Variants in KIRREL3 observed in about 807,000 individuals in gnomAD.
KIRREL3 encodes the protein kin of IRRE-like protein 3.
A neutral mutation model predicts 89.7 loss-of-function variants in KIRREL3; 36 were observed. The ratio of observed to expected loss-of-function variants is 0.40; its 90% CI spans 0.31 to 0.53. KIRREL3 has a LOEUF of 0.53. Among genes scored for constraint, KIRREL3 ranks in the 20% least tolerant of loss-of-function variants. The pLI, the probability that KIRREL3 is intolerant of heterozygous loss-of-function variation, is 0.49. For missense variants in KIRREL3, 864 were observed against 1,056.6 expected (o/e 0.82, Z 2.53); for synonymous variants, 445 against 441.4 (o/e 1.01, Z -0.10).
At chr11:126,916,349 G>A (rs905309610) in intron 1 of KIRREL3, among the ~76,000 whole-genome samples, 3 of 152,134 alleles carry the variant, frequency 2.0e-5, no homozygotes, top group Non-Finnish European at 4.4e-5. Context: ...AAATTGCTGA[G>A]CCCCATCCTC....
Position 126,668,075 on chromosome 11 carries a change from TAGTC to T in KIRREL3, c.56-105167_56-105164del, listed in dbSNP as rs1384218847. 1.3e-5 allele frequency among the ~76,000 whole-genome samples: 2 copies of T among 152,212 alleles called. No homozygotes were observed. The highest frequency in any genetic ancestry group is 2.4e-5 in the African/African-American group (1 of 41,450). ...GGTTGATAGCTGAGCCCCTGTGTCT[TAGTC>T]AGTTTCGGCTATAACAAAACACCAT... is the stretch of plus-strand genomic sequence containing the variant. On this transcript the variant is annotated intron_variant, in intron 1 of 16. Coordinates refer to ENST00000525144, the MANE Select transcript of KIRREL3 (RefSeq NM_032531.4). This position sits in a 1 kb window ranked among gnomAD's most constrained non-coding sequence, Gnocchi z 4.4.
chr11:126,695,745 T>C (rs1947068159), intron 1 of KIRREL3, among the ~76,000 whole-genome samples: 2 of 152,190 alleles, frequency 1.3e-5, no homozygotes, highest in African/African-American at 4.8e-5. Context: ...GACAGAGCTC[T>C]GAGAGAGGGG....
chr11:126,523,000 C>T lies in KIRREL3; in HGVS notation c.284-1536G>A, dbSNP rs1285765101. ...GTGAGAGAGACAGAACAAAGACAGG[C>T]AGGGAGACCTGCAAGAGCTCGCCTC... On this transcript the variant is annotated intron_variant, in intron 3 of 16. Transcript: ENST00000525144. The surrounding 1 kb of genome is among the most constrained non-coding windows in gnomAD (Gnocchi z 6.0). Among the ~76,000 whole-genome samples, 1 of 152,198 alleles carries T rather than the reference C, an allele frequency of 6.6e-6. No homozygotes were observed. The highest frequency in any genetic ancestry group is 6.5e-5 in the Admixed American group (1 of 15,276).
rs553422455 is a variant in KIRREL3 at position 126,630,160 on chromosome 11, G to A, written c.56-67248C>T. ...ACATAGACGGACTGGGTTTGGAAAA[G>A]TGCTTGTGAATTTGTTTCCCAGGAA... On this transcript the variant is annotated intron_variant, in intron 1 of 16. Coordinates refer to ENST00000525144, the MANE Select transcript of KIRREL3 (RefSeq NM_032531.4). Among the ~76,000 whole-genome samples the A allele has an allele frequency of 1.2e-3, 189 of 152,328 alleles. 5 individuals are homozygous for A. The South Asian group carries it at 0.036, about 29-fold the overall frequency.
At chr11:126,934,673 T>A (rs946990090) in intron 1 of KIRREL3, among the ~76,000 whole-genome samples, 1 of 152,138 alleles carries the variant, frequency 6.6e-6, no homozygotes, top group Non-Finnish European at 1.5e-5. Flanking sequence ...AGAAAACATT[T>A]GCAAAAGTCA....
intron 1 of KIRREL3, among the ~76,000 whole-genome samples, chr11:126,625,135 A>G (rs184204019): frequency 2.6e-5 from 4 of 152,230 alleles, no homozygotes; most frequent in Admixed American, 2.6e-4. Context: ...AACAGCGTCT[A>G]CCCTGTGCCC....
intron 16 of KIRREL3, 143 bp from the exon 17 acceptor site, chr11:126,425,166 T>A: frequency 1.4e-6 from 1 of 714,940 alleles, no homozygotes; most frequent in Non-Finnish European, 2.3e-6. Flanking sequence ...GGGAGCAAAC[T>A]CAGGGGTGAA....
chr11:126,689,629 C>T lies in KIRREL3; in HGVS notation c.56-126717G>A, dbSNP rs1946805092. The stretch of plus-strand genomic sequence containing the variant: ...CCAGCCAGGAGATGGGAAGAGACAT[C>T]TTGTTAGCCAGTTGCTCTGGTAGCC... On this transcript the variant is annotated intron_variant, in intron 1 of 16. Transcript: ENST00000525144. The surrounding 1 kb of genome is among the most constrained non-coding windows in gnomAD (Gnocchi z 5.2). 6.6e-6 allele frequency among the ~76,000 whole-genome samples: 1 copy of T among 152,188 alleles called. No individual in the cohort carries two copies. Among genetic ancestry groups the T allele is most frequent in the Admixed American group, 6.5e-5 (1 of 15,282 alleles).
intron 1 of KIRREL3, among the ~76,000 whole-genome samples, chr11:126,923,190 T>TTCTTCTTCTTTTCTTCTTCTTC (rs1947469588): frequency 9.7e-5 from 1 of 10,356 alleles, no homozygotes; most frequent in Non-Finnish European, 1.5e-4. Context: ...TCTTCTTCTC[T>TTCTTCTTCTTTTCTTCTTCTTC]TCTTCTTCTT....
At chr11:126,767,834 G>A (rs1949877014) in intron 1 of KIRREL3, among the ~76,000 whole-genome samples, 2 of 152,224 alleles carry the variant, frequency 1.3e-5, no homozygotes, top group African/African-American at 4.8e-5. Context: ...ATTTGTTAAT[G>A]CTATGTGGCT....
chr11:126,950,401 A>C (rs1191022667), intron 1 of KIRREL3, among the ~76,000 whole-genome samples: 3 of 152,090 alleles, frequency 2.0e-5, no homozygotes, highest in Admixed American at 1.3e-4. Flanking sequence ...AAACAAACAA[A>C]ACCAAAAAAC....
At chr11:126,850,453 A>G (rs1944303823) in intron 1 of KIRREL3, among the ~76,000 whole-genome samples, 1 of 152,178 alleles carries the variant, frequency 6.6e-6, no homozygotes, top group South Asian at 2.1e-4. Context: ...GAGTTGGGGT[A>G]GAGGCAAAGC....
Position 126,867,215 on chromosome 11 carries a change from G to A in KIRREL3, c.55+133240C>T, listed in dbSNP as rs561894090. On this transcript the variant is annotated intron_variant, in intron 1 of 16. Transcript: ENST00000525144. This position sits in a 1 kb window ranked among gnomAD's most constrained non-coding sequence, Gnocchi z 4.7. ...GTTTGAGCAGCGGGGCATCTATGCA[G>A]CGAGCCACACTCCTATCACACAGCC... Among the ~76,000 whole-genome samples, 2 of 152,352 alleles carry A rather than the reference G, an allele frequency of 1.3e-5. No individual in the cohort carries two copies. The highest frequency in any genetic ancestry group is 3.9e-4 in the East Asian group (2 of 5,186).
At chr11:126,556,562 T>C (rs903166305) in intron 2 of KIRREL3, among the ~76,000 whole-genome samples, 1 of 152,062 alleles carries the variant, frequency 6.6e-6, no homozygotes, top group African/African-American at 2.4e-5. Flanking sequence ...TGCTTGAGCT[T>C]AGGAATTGGA....
At chr11:126,988,265 T>C (rs669765) in intron 1 of KIRREL3, among the ~76,000 whole-genome samples, 34,161 of 152,138 alleles carry the variant, frequency 0.22, 4,062 homozygotes, top group Middle Eastern at 0.28. Context: ...TAAGCTATAC[T>C]GGAAGTGGGT....
intron 1 of KIRREL3, among the ~76,000 whole-genome samples, chr11:126,818,053 G>C (rs759866094): frequency 8.5e-5 from 13 of 152,196 alleles, no homozygotes; most frequent in African/African-American, 3.1e-4. Context: ...GGAACGTTTC[G>C]AGGATGCCTC....
intron 6 of KIRREL3, among the ~76,000 whole-genome samples, chr11:126,457,498 CGTGTGTGTATGT>C (rs958700336): frequency 2.5e-4 from 36 of 142,232 alleles, no homozygotes; most frequent in Non-Finnish European, 4.6e-4. Context: ...TGTATGTATG[CGTGTGTGTATGT>C]GTGTGTGTAT....
rs1299161301 is a variant in KIRREL3 at position 126,677,064 on chromosome 11, T to A, written c.56-114152A>T. On this transcript the variant is annotated intron_variant, in intron 1 of 16. Coordinates refer to ENST00000525144, the MANE Select transcript of KIRREL3 (RefSeq NM_032531.4). The surrounding 1 kb of genome is among the most constrained non-coding windows in gnomAD (Gnocchi z 5.1). ...TGGCCTCTCAAAGATTTTTTTTTTT[T>A]AACAGCTGTATTGAGATACAGTTCA... Among the ~76,000 whole-genome samples, 1 of 151,894 alleles carries A rather than the reference T, an allele frequency of 6.6e-6. No homozygotes were observed. The highest frequency in any genetic ancestry group is 6.6e-5 in the Admixed American group (1 of 15,264).
At chr11:126,445,170 C>T (rs1300189538) in intron 9 of KIRREL3, 65 bp from the exon 10 acceptor site, 1 of 1,584,128 alleles carries the variant, frequency 6.3e-7, no homozygotes, top group African/African-American at 1.3e-5. Context: ...TCTCTGGGAA[C>T]AAGGCAGCTG....
Sources: gnomAD v4.1 joint callset for allele counts (sites outside exome capture counted in the v4.1 genomes callset) on GRCh38, gnomAD v4.1.1 for gene constraint, Gnocchi (gnomAD v3.1) non-coding constraint, MANE v1.5 for transcripts, NCBI Gene and HGNC (gene_info 2026-07-23, HGNC 2026-07-21) for gene names.